Variants in GNA13 observed in about 807,000 individuals in gnomAD.
GNA13 encodes guanine nucleotide-binding protein subunit alpha-13.
Under a neutral mutation model 33.5 loss-of-function variants are expected in GNA13, and 4 were observed. The observed-to-expected ratio is 0.12, with a 90% CI of 0.06 to 0.27. GNA13 has a LOEUF of 0.27. Among genes scored for constraint, GNA13 ranks in the 10% least tolerant of loss-of-function variants. GNA13 has a pLI of 1.00. For missense variants in GNA13, 319 were observed against 487.2 expected, an observed-to-expected ratio of 0.65 and a Z score of 3.25; for synonymous variants, 176 against 183.8, an observed-to-expected ratio of 0.96 and a Z score of 0.34.
rs113647325 is a variant in GNA13, at chr17:65,049,813, A to G, written c.510+3689T>C. Among the ~76,000 whole-genome samples, 436 of 152,316 alleles carry G rather than the reference A, an allele frequency of 2.9e-3. 3 individuals carry two copies. Among genetic ancestry groups the G allele is most frequent in the African/African-American group, 0.01 (419 of 41,560 alleles). On this transcript the variant is annotated intron_variant, in intron 2 of 3. Coordinates refer to ENST00000439174, the MANE Select transcript of GNA13 (RefSeq NM_006572.6). ...ATCAGATCCTCAGGTATAAAGTCTG[A>G]GCATCTGCTTGTTTGTTTTAACAAG...
intron 2 of GNA13, among the ~76,000 whole-genome samples, chr17:65,042,945 C>A (rs1907515481): frequency 6.6e-6 from 1 of 151,926 alleles, no homozygotes; most frequent in Non-Finnish European, 1.5e-5. Context: ...TGCATAAAGC[C>A]CATTAGGAAT....
intron 2 of GNA13, among the ~76,000 whole-genome samples, chr17:65,029,895 G>T (rs1261760414): frequency 6.6e-6 from 1 of 151,640 alleles, no homozygotes; most frequent in Non-Finnish European, 1.5e-5. Flanking sequence ...GCAACTTTCT[G>T]CCACTAAATT....
intron 2 of GNA13, among the ~76,000 whole-genome samples, chr17:65,047,428 C>G (rs185638784): frequency 6.6e-6 from 1 of 152,196 alleles, no homozygotes; most frequent in Admixed American, 6.5e-5. Flanking sequence ...CCTCTACTAT[C>G]TCTAATGTTA....
At chr17:65,053,832 A>G in intron 1 of GNA13, 104 bp from the exon 2 acceptor site, 1 of 719,396 alleles carries the variant, frequency 1.4e-6, no homozygotes, top group Non-Finnish European at 2.3e-6. Flanking sequence ...ATTAACCTAG[A>G]CAAACCTTCT....
intron 1 of GNA13, chr17:65,055,865 G>A (rs1908033004): frequency 1.9e-6 from 1 of 533,174 alleles, no homozygotes; most frequent in Non-Finnish European, 2.4e-6. Flanking sequence ...GGGTCACCCA[G>A]CCAGGGTAGC....
intron 2 of GNA13, among the ~76,000 whole-genome samples, chr17:65,022,569 T>C (rs1906621594): frequency 6.6e-6 from 1 of 152,182 alleles, no homozygotes; most frequent in East Asian, 1.9e-4. Context: ...GAATACAATG[T>C]ATGCCAACAT....
At chr17:65,018,084 GCCA>G (rs67010623) in intron 3 of GNA13, among the ~76,000 whole-genome samples, 166 bp downstream of exon 3, 1 of 34,876 alleles carries the variant, frequency 2.9e-5, no homozygotes, top group Admixed American at 3.9e-4. Context: ...GAATCAGAAC[GCCA>G]CCACTAAAAA....
At chr17:65,048,722 T>A (rs1040971117) in intron 2 of GNA13, among the ~76,000 whole-genome samples, 1 of 152,232 alleles carries the variant, frequency 6.6e-6, no homozygotes, top group Non-Finnish European at 1.5e-5. Flanking sequence ...TAAGCTGTGT[T>A]ATCAACACCC....
chr17:65,028,151 G>C (rs548752688), intron 2 of GNA13, among the ~76,000 whole-genome samples: 1 of 152,196 alleles, frequency 6.6e-6, no homozygotes, highest in Non-Finnish European at 1.5e-5. Flanking sequence ...GCGTGAACCC[G>C]GGAGGCGGAG....
chr17:65,020,702 G>T (rs1331601988), intron 2 of GNA13, among the ~76,000 whole-genome samples: 1 of 151,722 alleles, frequency 6.6e-6, no homozygotes, highest in African/African-American at 2.4e-5. Context: ...CCAGGCTGGG[G>T]TGCAATGGCG....
intron 2 of GNA13, among the ~76,000 whole-genome samples, chr17:65,035,377 A>G (rs1294704780): frequency 6.6e-6 from 1 of 152,236 alleles, no homozygotes; most frequent in Non-Finnish European, 1.5e-5. Flanking sequence ...TTAAATGAAC[A>G]GGATATAAAG....
chr17:65,042,619 C>T (rs1458580249), intron 2 of GNA13, among the ~76,000 whole-genome samples: 1 of 151,934 alleles, frequency 6.6e-6, no homozygotes, highest in Non-Finnish European at 1.5e-5. Context: ...GGCCTGTAGT[C>T]CCAGCTACTT....
intron 2 of GNA13, chr17:65,051,933 T>A (rs924534928): frequency 2.0e-5 from 3 of 152,212 alleles, no homozygotes; most frequent in African/African-American, 7.2e-5. Context: ...AAATGCTAGT[T>A]GAATGACAGA....
At chr17:65,045,042 CAAAAAAAAAA>C (rs1244382117) in intron 2 of GNA13, among the ~76,000 whole-genome samples, 4 of 53,288 alleles carry the variant, frequency 7.5e-5, no homozygotes, top group African/African-American at 1.5e-4. Context: ...GACTCCATCT[CAAAAAAAAAA>C]AAAAAAAGAA....
intron 3 of GNA13, among the ~76,000 whole-genome samples, chr17:65,017,944 G>C (rs1012640987): frequency 2.0e-5 from 3 of 151,578 alleles, no homozygotes; most frequent in African/African-American, 7.3e-5. Context: ...TCAAGAAAAT[G>C]GTAGAGACCT....
rs576144530 is a variant in GNA13 at position 65,041,965 on chromosome 17, G to A, written c.510+11537C>T. Among the ~76,000 whole-genome samples, 9 of 152,274 alleles carry A rather than the reference G, an allele frequency of 5.9e-5. No homozygotes were observed. The South Asian group carries it at 1.9e-3, about 32-fold the overall frequency. ...AAATGACATTTGATTCTTTAGAGTT[G>A]TAAGTTTTTACATTTACAAAGACAC... On this transcript the variant is annotated intron_variant, in intron 2 of 3. Transcript: ENST00000439174.
chr17:65,046,737 G>C (rs574440206), intron 2 of GNA13, among the ~76,000 whole-genome samples: 7 of 152,298 alleles, frequency 4.6e-5, no homozygotes, highest in African/African-American at 1.7e-4. Flanking sequence ...TCTAGGTAAA[G>C]AGTTCTGAAA....
At chr17:65,043,879 C>T (rs2011307) in intron 2 of GNA13, among the ~76,000 whole-genome samples, 115,335 of 152,088 alleles carry the variant, frequency 0.76, 47,907 homozygotes, top group East Asian at 0.97. Flanking sequence ...CCCAGCACTG[C>T]AGGAGGCCAA....
rs1555600538 is a variant in GNA13, at chr17:65,018,138, A to AAAAAAAAAAAAAAAAAAGAGAG, written c.561+114_561+115insCTCTCTTTTTTTTTTTTTTTTT. The AAAAAAAAAAAAAAAAAAGAGAG allele has an allele frequency of 8.6e-5, 6 of 69,632 alleles. 3 individuals are homozygous for AAAAAAAAAAAAAAAAAAGAGAG. The highest frequency in any genetic ancestry group is 1.7e-3 in the East Asian group (2 of 1,194). The allele number at this position is 69,632 out of a possible 1,614,324, so 4.3% of individuals were successfully genotyped here. A position where few individuals can be genotyped will look rare whatever the true frequency, so the allele number is the denominator to read the frequency against. On this transcript the variant is annotated intron_variant, in intron 3 of 3. Coordinates refer to ENST00000439174, the MANE Select transcript of GNA13 (RefSeq NM_006572.6). ...AAAAAAAAAAAAAAAAAAAAAAAAA[A>AAAAAAAAAAAAAAAAAAGAGAG]AGAGAGAAAGAAGCAAATAGCTTAA...
Sources: gnomAD v4.1 joint callset for allele counts (sites outside exome capture counted in the v4.1 genomes callset) on GRCh38, gnomAD v4.1.1 for gene constraint, MANE v1.5 for transcripts, NCBI Gene and HGNC (gene_info 2026-07-23, HGNC 2026-07-21) for gene names.